Variants in SIM2 observed in about 807,000 individuals in gnomAD.
SIM2 encodes SIM bHLH transcription factor 2.
In SIM2, 28 loss-of-function variants were observed where a neutral mutation model predicts 64.8. That is an observed-to-expected ratio of 0.43 (90% CI 0.32 to 0.59). The LOEUF (loss-of-function observed/expected upper bound fraction) is 0.59. SIM2 is among the 20% of genes least tolerant of loss of function. The probability of loss-of-function intolerance (pLI) is 0.07; values close to 1 mark genes in which losing one functional copy is unlikely to be tolerated. For synonymous variants in SIM2, 408 were observed against 391.1 expected (o/e 1.04, Z -0.51); for missense variants, 847 against 871.4 (o/e 0.97, Z 0.35).
At chr21:36,720,032 T>G in intron 4 of SIM2, 103 bp downstream of exon 4, 4 of 795,240 alleles carry the variant, frequency 5.0e-6, no homozygotes, top group Non-Finnish European at 8.6e-6. Context: ...TGGCTGGGCA[T>G]GACTAGGACT....
intron 4 of SIM2, among the ~76,000 whole-genome samples, chr21:36,722,177 CT>C (rs1001982816): frequency 6.6e-6 from 1 of 152,216 alleles, no homozygotes; most frequent in African/African-American, 2.4e-5. Flanking sequence ...CCGTGCTTGT[CT>C]GGAAATGGCT....
chr21:36,728,648 G>C (rs929166508), intron 6 of SIM2, among the ~76,000 whole-genome samples: 1 of 152,236 alleles, frequency 6.6e-6, no homozygotes, highest in Non-Finnish European at 1.5e-5. Flanking sequence ...GCTGAAAGGG[G>C]TCAGAAGAAT....
In SIM2 at chr21:36,745,550, A is replaced by AT; in HGVS notation, c.1576+418dup. 1 of 1,114,374 alleles carries AT rather than the reference A, an allele frequency of 9.0e-7. No homozygotes were observed. Among genetic ancestry groups the AT allele is most frequent in the Non-Finnish European group, 1.1e-6 (1 of 900,584 alleles). 69.0% of individuals were successfully genotyped at this position (1,114,374 alleles called of 1,614,324 possible). ...ATTTGAGACAAACGGCCTATTGGCT[A>AT]TTTTCCCATGCCAGTTTTGGAAGTG... On this transcript the variant is annotated intron_variant, in intron 10 of 10. Coordinates refer to ENST00000290399, the MANE Select transcript of SIM2 (RefSeq NM_005069.6). The surrounding 1 kb of genome is among the most constrained non-coding windows in gnomAD (Gnocchi z 4.8).
chr21:36,748,557 G>A lies in SIM2; in HGVS notation c.*465G>A, dbSNP rs1343264951. ...CACGAGCCCTTTTAGATGCTTAGGT[G>A]AAGGCAGAAGTGATGATTGTAAGTC... is the stretch of plus-strand genomic sequence containing the variant. On this transcript the variant is annotated 3_prime_UTR_variant, in exon 11 of 11. Coordinates refer to ENST00000290399, the MANE Select transcript of SIM2 (RefSeq NM_005069.6). 1.3e-5 allele frequency: 2 copies of A among 152,294 alleles called. No individual in the cohort carries two copies. Among genetic ancestry groups the A allele is most frequent in the Non-Finnish European group, 2.9e-5 (2 of 68,058 alleles). 9.4% of individuals were successfully genotyped at this position (152,294 alleles called of 1,614,324 possible). A position where few individuals can be genotyped will look rare whatever the true frequency, so the allele number is the denominator to read the frequency against.
chr21:36,740,403 G>C (rs541187454), intron 7 of SIM2, among the ~76,000 whole-genome samples: 2 of 152,256 alleles, frequency 1.3e-5, no homozygotes, highest in East Asian at 3.9e-4. Flanking sequence ...GTTAAACAAG[G>C]GAGTTGGGCA....
chr21:36,710,614 T>A (rs1195651659), intron 2 of SIM2: 1 of 138,158 alleles, frequency 7.2e-6, no homozygotes, highest in African/African-American at 2.8e-5. Flanking sequence ...ATAAAAAAAA[T>A]GTTGGCTGCA....
intron 1 of SIM2, among the ~76,000 whole-genome samples, chr21:36,702,952 A>AAAAAAT (rs1235679419): frequency 4.6e-5 from 7 of 151,744 alleles, no homozygotes; most frequent in Non-Finnish European, 1.0e-4. Flanking sequence ...GAAAAAAAAA[A>AAAAAAT]AAAGAATAGC....
rs987569936 is a variant in SIM2 at position 36,737,728 on chromosome 21, G to A, written c.851-3989G>A. Reference sequence around the variant, plus strand: ...TTCAATGTCCACTTTGGGAGGCCAAGGCGGGCGGGTCACTTGGGGTCAGGA... The same window carrying A: ...TTCAATGTCCACTTTGGGAGGCCAAAGCGGGCGGGTCACTTGGGGTCAGGA... On this transcript the variant is annotated intron_variant, in intron 7 of 10. Transcript: ENST00000290399. Among the ~76,000 whole-genome samples, 6 of 152,258 alleles carry A rather than the reference G, an allele frequency of 3.9e-5. No individual in the cohort carries two copies. The South Asian group carries it at 6.2e-4, about 16-fold the overall frequency.
chr21:36,730,976 C>G, intron 6 of SIM2, 69 bp from the exon 7 acceptor site: 1 of 1,146,100 alleles, frequency 8.7e-7, no homozygotes, highest in Non-Finnish European at 1.3e-6. Flanking sequence ...GTTGGCAAAA[C>G]CAATATTAGT....
At chr21:36,705,770 G>A (rs965053448) in intron 1 of SIM2, among the ~76,000 whole-genome samples, 3 of 152,322 alleles carry the variant, frequency 2.0e-5, no homozygotes, top group Admixed American at 2.0e-4. Context: ...TGGGGTTAGG[G>A]ACTGGCACCT....
chr21:36,729,506 G>C (rs1046136443), intron 6 of SIM2, among the ~76,000 whole-genome samples: 2 of 152,168 alleles, frequency 1.3e-5, no homozygotes, highest in Non-Finnish European at 2.9e-5. Context: ...ACGACCCAAA[G>C]CTTGAGCAGA....
chr21:36,746,520 T>C (rs2089229191), intron 10 of SIM2, among the ~76,000 whole-genome samples: 1 of 152,142 alleles, frequency 6.6e-6, no homozygotes, highest in Non-Finnish European at 1.5e-5. Context: ...TAACATTTCT[T>C]CCCAAATCTG....
chr21:36,699,999 GC>G lies in SIM2; in HGVS notation c.175+81del. The stretch of plus-strand genomic sequence containing the variant: ...CCAGGCGGGAAGCGCAAGCCAGCCC[GC>G]CCAGAGGGGTTGCCGCGGCCTGGCG... On this transcript the variant is annotated intron_variant, in intron 1 of 10. Coordinates refer to ENST00000290399, the MANE Select transcript of SIM2 (RefSeq NM_005069.6). This position sits in a 1 kb window ranked among gnomAD's most constrained non-coding sequence, Gnocchi z 5.6. The G allele has an allele frequency of 7.0e-7, 1 of 1,418,500 alleles. No individual in the cohort carries two copies. Among genetic ancestry groups the G allele is most frequent in the Non-Finnish European group, 9.4e-7 (1 of 1,058,996 alleles). 87.9% of individuals were successfully genotyped at this position (1,418,500 alleles called of 1,614,324 possible). A position where few individuals can be genotyped will look rare whatever the true frequency, so the allele number is the denominator to read the frequency against.
intron 5 of SIM2, among the ~76,000 whole-genome samples, chr21:36,723,430 G>A (rs1278695274): frequency 6.6e-6 from 1 of 152,186 alleles, no homozygotes; most frequent in East Asian, 1.9e-4. Context: ...CACCGCCTCT[G>A]GAGTTTATAG....
Position 36,699,846 on chromosome 21 carries a change from A to G in SIM2, c.100A>G (p.Thr34Ala), listed in dbSNP as rs1193953156. Residue 34 changes from threonine to alanine, a missense_variant, in exon 1 of 11, where the codon ACT (threonine) becomes GCT (alanine). Coordinates refer to ENST00000290399, the MANE Select transcript of SIM2 (RefSeq NM_005069.6). The surrounding 1 kb of genome is among the most constrained non-coding windows in gnomAD (Gnocchi z 5.6). ...GCTGCTCCCGCTGCCGTCGGCCATCACTTCGCAGCTGGACAAAGCGTCCAT... is the reference window on the plus strand; with the variant it reads ...GCTGCTCCCGCTGCCGTCGGCCATCGCTTCGCAGCTGGACAAAGCGTCCAT... Reference protein sequence around the residue: ...AKLLPLPSAITSQLDKASIIR... With the variant: ...AKLLPLPSAIASQLDKASIIR... The G allele has an allele frequency of 6.2e-7, 1 of 1,610,552 alleles. No homozygotes were observed. The highest frequency in any genetic ancestry group is 2.2e-5 in the East Asian group (1 of 44,776).
intron 7 of SIM2, among the ~76,000 whole-genome samples, chr21:36,736,746 T>TTC (rs1568938157): frequency 6.7e-4 from 59 of 87,428 alleles, no homozygotes; most frequent in Admixed American, 6.3e-4. Flanking sequence ...CCCTTCCCTT[T>TTC]CCTTTCCTCC....
Position 36,745,385 on chromosome 21 carries a change from T to G in SIM2, c.1576+249T>G, listed in dbSNP as rs2089217499. On this transcript the variant is annotated intron_variant, in intron 10 of 10. Coordinates refer to ENST00000290399, the MANE Select transcript of SIM2 (RefSeq NM_005069.6). This position sits in a 1 kb window ranked among gnomAD's most constrained non-coding sequence, Gnocchi z 4.8. ...GTATAAAGGGCAAAGGAAAACCGAG[T>G]ATCTGGCCTTCACGTAAATCCTGGC... The G allele has an allele frequency of 2.2e-6, 3 of 1,373,900 alleles. No individual in the cohort carries two copies. The highest frequency in any genetic ancestry group is 2.8e-6 in the Non-Finnish European group (3 of 1,052,894). 85.1% of individuals were successfully genotyped at this position (1,373,900 alleles called of 1,614,324 possible).
intron 7 of SIM2, among the ~76,000 whole-genome samples, chr21:36,740,153 CAGTGTTTTTT>C (rs1230587453): frequency 6.7e-6 from 1 of 148,392 alleles, no homozygotes; most frequent in Non-Finnish European, 1.5e-5. Flanking sequence ...TCACCATTTT[CAGTGTTTTTT>C]AGTTATATTC....
chr21:36,741,989 T>C lies in SIM2; in HGVS notation c.998+125T>C, dbSNP rs529684514. ...ACTGTTCATTTGTCTTCTGTTTTTT[T>C]TCTTTTTTTTAATTTTTTTTTTTTA... On this transcript the variant is annotated intron_variant, in intron 8 of 10. Coordinates refer to ENST00000290399, the MANE Select transcript of SIM2 (RefSeq NM_005069.6). 8.2e-5 allele frequency: 92 copies of C among 1,124,118 alleles called. No homozygotes were observed. In the African/African-American group the frequency reaches 1.4e-3, roughly 18 times the overall value. 69.6% of individuals were successfully genotyped at this position (1,124,118 alleles called of 1,614,324 possible). A position where few individuals can be genotyped will look rare whatever the true frequency, so the allele number is the denominator to read the frequency against.
Sources: gnomAD v4.1 joint callset for allele counts (sites outside exome capture counted in the v4.1 genomes callset) on GRCh38, gnomAD v4.1.1 for gene constraint, Gnocchi (gnomAD v3.1) non-coding constraint, MANE v1.5 for transcripts, NCBI Gene and HGNC (gene_info 2026-07-23, HGNC 2026-07-21) for gene names.